The following CAST variants were observed in gnomAD, a reference collection of about 807,000 sequenced individuals.
The protein encoded by CAST is MIR583 host.
Under a neutral mutation model 119.6 loss-of-function variants are expected in CAST, and 76 were observed. The ratio of observed to expected loss-of-function variants is 0.64; its 90% CI spans 0.53 to 0.77. CAST has a LOEUF of 0.77. Ranked by LOEUF, CAST falls within the 30% of genes least tolerant of loss-of-function variation. CAST has a pLI of 0.00. For missense variants in CAST, 953 were observed against 946.5 expected, an observed-to-expected ratio of 1.01 and a Z score of -0.09; for synonymous variants, 319 against 331.6, an observed-to-expected ratio of 0.96 and a Z score of 0.41.
At chr5:96,337,788 G>C in the CAST span, among the ~76,000 whole-genome samples, 1 of 152,148 alleles carries the variant, frequency 6.6e-6, no homozygotes, top group Admixed American at 6.5e-5. Flanking sequence ...CTTTGGACTT[G>C]ATTTCTGACA....
chr5:96,245,633 AAAAAC>A, the CAST span, among the ~76,000 whole-genome samples: 4 of 152,100 alleles, frequency 2.6e-5, no homozygotes, highest in African/African-American at 4.8e-5. Context: ...AAAAAAAAAA[AAAAAC>A]AAATAGTGAG....
chr5:96,359,271 G>A, the CAST span, among the ~76,000 whole-genome samples: 8 of 152,136 alleles, frequency 5.3e-5, no homozygotes, highest in African/African-American at 1.9e-4. Context: ...ACACTGATGG[G>A]TCTTGACTCT....
At chr5:96,236,111 G>GTCTGTCTA in the CAST span, among the ~76,000 whole-genome samples, 40 of 151,770 alleles carry the variant, frequency 2.6e-4, no homozygotes, top group African/African-American at 7.7e-4. Flanking sequence ...CTGTCTGTCT[G>GTCTGTCTA]TCTATCTATC....
At chr5:96,303,991 T>G in the CAST span, among the ~76,000 whole-genome samples, 26 of 152,304 alleles carry the variant, frequency 1.7e-4, no homozygotes, top group East Asian at 4.0e-3. Flanking sequence ...GGTCAAATGG[T>G]ATTTCTAGTT....
the CAST span, among the ~76,000 whole-genome samples, chr5:95,978,738 T>G: frequency 6.6e-6 from 1 of 152,190 alleles, no homozygotes; most frequent in Non-Finnish European, 1.5e-5. Flanking sequence ...TTAGGCTTCC[T>G]GGACCCACTG....
intron 1 of CAST, among the ~76,000 whole-genome samples, chr5:96,553,102 A>C: frequency 6.6e-6 from 1 of 152,174 alleles, no homozygotes; most frequent in Non-Finnish European, 1.5e-5. Flanking sequence ...GCAGAGACAC[A>C]ACAAAAAAAA....
At chr5:96,342,216 G>A in the CAST span, among the ~76,000 whole-genome samples, 1 of 152,154 alleles carries the variant, frequency 6.6e-6, no homozygotes, top group African/African-American at 2.4e-5. Flanking sequence ...GGAAGAGCCT[G>A]GAAGTTTAAA....
the CAST span, among the ~76,000 whole-genome samples, chr5:96,185,550 T>G: frequency 6.4e-4 from 97 of 152,218 alleles, 1 homozygote; most frequent in Non-Finnish European, 4.9e-4. Flanking sequence ...GGGGTCCAGT[T>G]TCAATTTTCT....
At chr5:96,397,563 A>T in the CAST span, 1 of 1,181,710 alleles carries the variant, frequency 8.5e-7, no homozygotes, top group Non-Finnish European at 1.3e-6. Flanking sequence ...GCTGAAAAAG[A>T]TGAGTTCTCC....
the CAST span, among the ~76,000 whole-genome samples, chr5:96,165,831 C>A: frequency 6.6e-6 from 1 of 152,142 alleles, no homozygotes; most frequent in Non-Finnish European, 1.5e-5. Flanking sequence ...GACTTCTTTG[C>A]CGAACTAGAA....
chr5:96,068,459 T>C, the CAST span, among the ~76,000 whole-genome samples: 1 of 152,056 alleles, frequency 6.6e-6, no homozygotes, highest in South Asian at 2.1e-4. Flanking sequence ...CAACTTCTCC[T>C]GCTCCATATT....
intron 1 of CAST, among the ~76,000 whole-genome samples, chr5:96,547,315 C>A (rs1746036826): frequency 6.6e-6 from 1 of 152,118 alleles, no homozygotes; most frequent in South Asian, 2.1e-4. Context: ...ACAAGTGTAA[C>A]ATGGTATAAC....
chr5:96,571,539 G>A (rs1746567178), intron 1 of CAST, among the ~76,000 whole-genome samples: 1 of 152,182 alleles, frequency 6.6e-6, no homozygotes, highest in Non-Finnish European at 1.5e-5. Flanking sequence ...GATGATCATA[G>A]TTACACAGTT....
At chr5:96,337,841 T>A in the CAST span, among the ~76,000 whole-genome samples, 2 of 152,268 alleles carry the variant, frequency 1.3e-5, no homozygotes, top group African/African-American at 4.8e-5. Context: ...GTTTACTGTC[T>A]GTCTTTACAA....
the CAST span, chr5:96,410,815 C>T: frequency 1.2e-6 from 2 of 1,613,950 alleles, no homozygotes; most frequent in Non-Finnish European, 1.7e-6. Flanking sequence ...TAAGAGGTGG[C>T]CAGTGTGGAG....
At chr5:96,662,330 TC>T, upstream of CAST, 1 of 261,306 alleles carries the variant, frequency 3.8e-6, no homozygotes, top group Non-Finnish European at 6.4e-6. Flanking sequence ...GCTCCCTCCC[TC>T]CCTCCCTCTC....
the CAST span, among the ~76,000 whole-genome samples, chr5:96,381,555 G>T: frequency 6.6e-6 from 1 of 152,170 alleles, no homozygotes; most frequent in Non-Finnish European, 1.5e-5. Context: ...GGGTATTATG[G>T]TCAATAACAG....
At chr5:96,427,004 A>G in the CAST span, among the ~76,000 whole-genome samples, 1 of 152,184 alleles carries the variant, frequency 6.6e-6, no homozygotes, top group Non-Finnish European at 1.5e-5. Context: ...AAAATACCTC[A>G]ATGCTTGGAA....
the CAST span, among the ~76,000 whole-genome samples, chr5:96,485,502 G>T: frequency 6.6e-6 from 1 of 152,134 alleles, no homozygotes; most frequent in Non-Finnish European, 1.5e-5. Context: ...GAGCCGATTT[G>T]GTGGTCTAAA....
Sources: gnomAD v4.1 joint callset for allele counts (sites outside exome capture counted in the v4.1 genomes callset) on GRCh38, gnomAD v4.1.1 for gene constraint, MANE v1.5 for transcripts, NCBI Gene and HGNC (gene_info 2026-07-23, HGNC 2026-07-21) for gene names.